RNF6: variants seen among roughly 807,000 people sequenced by gnomAD.
RNF6 encodes ring finger protein 6, also known as E3 ubiquitin-protein ligase RNF6.
In RNF6, 21 loss-of-function variants were observed where a neutral mutation model predicts 50.1. The ratio of observed to expected loss-of-function variants is 0.42; its 90% CI spans 0.30 to 0.60. RNF6 has a LOEUF of 0.60. RNF6 is among the 20% of genes least tolerant of loss of function. The pLI is 0.20. For synonymous variants in RNF6, 255 were observed against 291.8 expected, an observed-to-expected ratio of 0.87 and a Z score of 1.29; for missense variants, 698 against 838.2, an observed-to-expected ratio of 0.83 and a Z score of 2.07.
chr13:26,215,702 G>T, intron 4 of RNF6, 110 bp from the exon 5 acceptor site: 2 of 916,562 alleles, frequency 2.2e-6, no homozygotes, highest in South Asian at 2.0e-5. Flanking sequence ...GAACATCTGT[G>T]GATTTTAATG....
At chr13:26,164,569 T>C (rs1872358556) in intron 5 of RNF6, among the ~76,000 whole-genome samples, 1 of 152,206 alleles carries the variant, frequency 6.6e-6, no homozygotes, top group Admixed American at 6.5e-5. Context: ...TTTTCTTTAT[T>C]CATACATTCA....
chr13:26,163,184 T>C (rs1197431226), intron 5 of RNF6, among the ~76,000 whole-genome samples: 1 of 151,878 alleles, frequency 6.6e-6, no homozygotes, highest in Non-Finnish European at 1.5e-5. Flanking sequence ...CGGTGGCGGG[T>C]GCCTGTAGTC....
chr13:26,175,373 A>G (rs1872906717), intron 5 of RNF6, among the ~76,000 whole-genome samples: 1 of 152,072 alleles, frequency 6.6e-6, no homozygotes, highest in Non-Finnish European at 1.5e-5. Flanking sequence ...GAGCCACTGC[A>G]CCCAGCCTCA....
chr13:26,205,477 T>C (rs1869070702), intron 5 of RNF6, among the ~76,000 whole-genome samples: 1 of 152,230 alleles, frequency 6.6e-6, no homozygotes, highest in African/African-American at 2.4e-5. Context: ...TGCCTTTCCA[T>C]GGGATATATA....
At position 26,190,870 on chromosome 13, in the gene RNF6, C is replaced by G. The variant is rs1868425979; in HGVS notation, n.768+24604G>C. On this transcript the variant is annotated intron_variant and non_coding_transcript_variant, in intron 5 of 5. Transcript: ENST00000468480. The stretch of plus-strand genomic sequence containing the variant: ...ATGGCCAGTGGATTCATGGGTTCAT[C>G]ATCATCAGTATCAACATTGTGATCT... 2.0e-5 allele frequency among the ~76,000 whole-genome samples: 3 copies of G among 152,168 alleles called. No individual in the cohort carries two copies. In the South Asian group the frequency reaches 6.2e-4, roughly 32 times the overall value.
At position 26,148,904 on chromosome 13, in the gene RNF6, T is replaced by A. The variant is rs1211181168; in HGVS notation, n.769-16453A>T. On this transcript the variant is annotated intron_variant and non_coding_transcript_variant, in intron 5 of 5. Transcript: ENST00000468480. Reference sequence around the variant, plus strand: ...GTTCAAAAGCAAGAAAAAGCCAATGTCCCAGTTTGAAGGCCAGCATGCAGG... The same window carrying A: ...GTTCAAAAGCAAGAAAAAGCCAATGACCCAGTTTGAAGGCCAGCATGCAGG... Among the ~76,000 whole-genome samples the A allele has an allele frequency of 2.6e-5, 4 of 151,446 alleles. No individual in the cohort carries two copies. The East Asian group carries it at 5.9e-4, about 22-fold the overall frequency.
intron 5 of RNF6, among the ~76,000 whole-genome samples, chr13:26,173,781 G>A (rs1437713594): frequency 1.3e-5 from 2 of 151,586 alleles, no homozygotes; most frequent in African/African-American, 4.8e-5. Flanking sequence ...TGAAACCCCG[G>A]CTCTACTAAA....
At chr13:26,219,915 T>A (rs1027789237) in intron 2 of RNF6, among the ~76,000 whole-genome samples, 1 of 152,204 alleles carries the variant, frequency 6.6e-6, no homozygotes, top group Non-Finnish European at 1.5e-5. Flanking sequence ...TACCACACAA[T>A]GCTCATGCCT....
chr13:26,141,446 C>T (rs1182508987), intron 5 of RNF6, among the ~76,000 whole-genome samples: 1 of 146,474 alleles, frequency 6.8e-6, no homozygotes, highest in Non-Finnish European at 1.5e-5. Flanking sequence ...AAAAAAAATG[C>T]AGCCAGAGGC....
intron 5 of RNF6, among the ~76,000 whole-genome samples, chr13:26,164,035 A>G (rs559858585): frequency 1.3e-5 from 2 of 152,354 alleles, no homozygotes; most frequent in South Asian, 4.1e-4. Flanking sequence ...ACTGGAAAAA[A>G]TACTAAAAAT....
intron 5 of RNF6, among the ~76,000 whole-genome samples, chr13:26,154,356 G>A (rs1336498562): frequency 6.6e-6 from 1 of 152,172 alleles, no homozygotes; most frequent in Non-Finnish European, 1.5e-5. Flanking sequence ...TTATCTGAAA[G>A]CAATCTCAGA....
rs759445737 is a variant in RNF6, at chr13:26,214,726, T to C, written c.1156A>G (p.Arg386Gly). ...TGTCGTCGTACAGCAGTTGAGGATC[T>C]GCTGGATTCTTCTCCTTCTTCTACT... Reference protein sequence around the residue: ...ITVEEGEESSRSSTAVRRHPT... With the variant: ...ITVEEGEESSGSSTAVRRHPT... Residue 386 changes from arginine to glycine, a missense_variant, in exon 5 of 5, where the codon AGA becomes GGA. By Grantham distance (125) the Arg-to-Gly change is moderately radical. Transcript: ENST00000381588. 2.7e-5 allele frequency: 44 copies of C among 1,614,142 alleles called. No individual in the cohort carries two copies. The Admixed American group carries it at 5.2e-4, about 19-fold the overall frequency.
intron 3 of RNF6, among the ~76,000 whole-genome samples, chr13:26,218,941 A>G (rs1378135888): frequency 1.3e-5 from 2 of 152,314 alleles, no homozygotes; most frequent in East Asian, 1.9e-4. Flanking sequence ...TTTATAGAGA[A>G]AACTTCAAAT....
chr13:26,159,396 A>G (rs1872094177), intron 5 of RNF6, among the ~76,000 whole-genome samples: 1 of 152,106 alleles, frequency 6.6e-6, no homozygotes. Context: ...AGGCTGAGGC[A>G]CGTGAATCAC....
chr13:26,174,598 G>C (rs1872863542), intron 5 of RNF6, among the ~76,000 whole-genome samples: 2 of 151,746 alleles, frequency 1.3e-5, no homozygotes. Flanking sequence ...GGGAGGCGGA[G>C]ACTCAAAAAA....
At chr13:26,199,469 A>G (rs1443854746) in intron 5 of RNF6, among the ~76,000 whole-genome samples, 1 of 152,192 alleles carries the variant, frequency 6.6e-6, no homozygotes, top group Non-Finnish European at 1.5e-5. Context: ...TTTTTGGGAT[A>G]GCCAAAGATT....
chr13:26,186,016 C>T (rs2137670424), intron 5 of RNF6, among the ~76,000 whole-genome samples: 1 of 152,276 alleles, frequency 6.6e-6, no homozygotes, highest in African/African-American at 2.4e-5. Context: ...TTGCAGTCTA[C>T]ATAAACATAG....
intron 5 of RNF6, among the ~76,000 whole-genome samples, chr13:26,143,089 T>G (rs1871044620): frequency 6.6e-6 from 1 of 152,226 alleles, no homozygotes; most frequent in Non-Finnish European, 1.5e-5. Flanking sequence ...ATTCTGTATT[T>G]GCTTTGCCTT....
At chr13:26,188,320 C>T (rs1388701600) in intron 5 of RNF6, among the ~76,000 whole-genome samples, 2 of 152,224 alleles carry the variant, frequency 1.3e-5, no homozygotes, top group African/African-American at 4.8e-5. Flanking sequence ...CCCCATCCTC[C>T]ACCCCACTTG....
Sources: allele counts gnomAD v4.1 joint callset (sites outside exome capture counted in the v4.1 genomes callset), GRCh38; gene constraint gnomAD v4.1.1; transcripts MANE v1.5; gene names NCBI Gene and HGNC (gene_info 2026-07-23, HGNC 2026-07-21).